EEF2K: variants seen among roughly 807,000 people sequenced by gnomAD.
EEF2K encodes alternative protein EEF2K.
A neutral mutation model predicts 93.8 loss-of-function variants in EEF2K; 70 were observed. That is an observed-to-expected ratio of 0.75 (90% CI 0.62 to 0.91). The LOEUF is 0.91. EEF2K is among the 40% of genes least tolerant of loss of function. The pLI, the probability that EEF2K is intolerant of heterozygous loss-of-function variation, is 0.00. For synonymous variants in EEF2K, 376 were observed against 380.8 expected, an observed-to-expected ratio of 0.99 and a Z score of 0.15; for missense variants, 935 against 972.9, an observed-to-expected ratio of 0.96 and a Z score of 0.52.
At chr16:22,275,249 T>C (rs1029852912) in intron 16 of EEF2K, among the ~76,000 whole-genome samples, 1 of 152,164 alleles carries the variant, frequency 6.6e-6, no homozygotes, top group African/African-American at 2.4e-5. Context: ...AAGTTTTTAT[T>C]GACTTGTAAA....
At chr16:22,276,169 C>T (rs1014024798) in intron 16 of EEF2K, among the ~76,000 whole-genome samples, 1 of 151,140 alleles carries the variant, frequency 6.6e-6, no homozygotes, top group East Asian at 2.0e-4. Context: ...TGGTCTCAAA[C>T]TCCTGGCCTC....
chr16:22,223,338 G>A (rs934133657), intron 1 of EEF2K, among the ~76,000 whole-genome samples: 1 of 149,542 alleles, frequency 6.7e-6, no homozygotes, highest in Non-Finnish European at 1.5e-5. Context: ...GAGTGCAATG[G>A]CACAGTCTCA....
chr16:22,265,951 C>T (rs374947791), intron 13 of EEF2K, among the ~76,000 whole-genome samples: 1 of 152,118 alleles, frequency 6.6e-6, no homozygotes, highest in Admixed American at 6.6e-5. Flanking sequence ...GAGACCCCCA[C>T]CCCCAACCAA....
chr16:22,232,600 T>C (rs1053465926), intron 2 of EEF2K, among the ~76,000 whole-genome samples: 22 of 152,190 alleles, frequency 1.4e-4, no homozygotes, highest in Admixed American at 1.0e-3. Flanking sequence ...AGCAGACCTT[T>C]ATGTGTGTGA....
At chr16:22,261,426 C>T (rs977328674) in intron 11 of EEF2K, among the ~76,000 whole-genome samples, 2 of 150,934 alleles carry the variant, frequency 1.3e-5, no homozygotes, top group African/African-American at 2.4e-5. Flanking sequence ...CAGTGGCTCA[C>T]GCCTGTAATC....
rs993495184 is a variant in EEF2K at position 22,263,317 on chromosome 16, G to A, written c.1377+130G>A. Reference sequence around the variant, plus strand: ...AGAAGATAACAAGTAAATTAATAAAGAGTATTTCAGGCCGGTCATGGTGGC... The same window carrying A: ...AGAAGATAACAAGTAAATTAATAAAAAGTATTTCAGGCCGGTCATGGTGGC... On this transcript the variant is annotated intron_variant, in intron 12 of 17. Transcript: ENST00000263026. The A allele has an allele frequency of 3.0e-5, 24 of 806,610 alleles. 1 individual carries two copies. Among genetic ancestry groups the A allele is most frequent in the South Asian group, 8.3e-5 (4 of 48,070 alleles). The allele number at this position is 806,610 out of a possible 1,614,324, so 50.0% of individuals were successfully genotyped here.
chr16:22,266,326 T>C, intron 13 of EEF2K, 64 bp from the exon 14 acceptor site: 1 of 1,557,650 alleles, frequency 6.4e-7, no homozygotes, highest in South Asian at 1.2e-5. Context: ...TAGGGGCTGC[T>C]GACAGCTGTG....
chr16:22,225,261 C>G (rs2047051365), intron 1 of EEF2K, among the ~76,000 whole-genome samples: 1 of 152,090 alleles, frequency 6.6e-6, no homozygotes, highest in South Asian at 2.1e-4. Flanking sequence ...GGGCAGCACG[C>G]TAGATGAACG....
chr16:22,234,899 T>TTTTTTTTTTTTTTTA (rs1185430519), intron 2 of EEF2K, among the ~76,000 whole-genome samples: 1 of 145,412 alleles, frequency 6.9e-6, no homozygotes, highest in Non-Finnish European at 1.5e-5. Context: ...TTTTTTTTTT[T>TTTTTTTTTTTTTTTA]AGGGGCGGTT....
chr16:22,268,114 T>C (rs975844197), intron 15 of EEF2K, among the ~76,000 whole-genome samples: 1 of 152,190 alleles, frequency 6.6e-6, no homozygotes, highest in Non-Finnish European at 1.5e-5. Flanking sequence ...CCAAAGTCCT[T>C]TATTTATTTA....
chr16:22,222,702 TAAAAAAAAAAAA>T (rs1161314400), intron 1 of EEF2K, among the ~76,000 whole-genome samples: 1 of 96,554 alleles, frequency 1.0e-5, no homozygotes, highest in Non-Finnish European at 2.2e-5. Context: ...ACCCCGTCCC[TAAAAAAAAAAAA>T]AAAAAAAAAA....
intron 2 of EEF2K, among the ~76,000 whole-genome samples, chr16:22,233,670 C>T (rs1342475121): frequency 2.0e-5 from 3 of 152,144 alleles, no homozygotes; most frequent in Non-Finnish European, 2.9e-5. Context: ...GGCAACAGAG[C>T]GAGACCCTCT....
At chr16:22,213,307 G>C (rs2046932376) in intron 1 of EEF2K, among the ~76,000 whole-genome samples, 1 of 152,128 alleles carries the variant, frequency 6.6e-6, no homozygotes, top group South Asian at 2.1e-4. Context: ...AATTCCACCA[G>C]ATTCATTCTA....
intron 13 of EEF2K, among the ~76,000 whole-genome samples, chr16:22,266,086 G>A (rs1598199831): frequency 6.6e-6 from 1 of 152,126 alleles, no homozygotes; most frequent in Non-Finnish European, 1.5e-5. Context: ...GCCGGGCATG[G>A]TGGTATGCAC....
rs185054958 is a variant in EEF2K, at chr16:22,260,013, A to G, written c.1232-449A>G. On this transcript the variant is annotated intron_variant, in intron 10 of 17. Transcript: ENST00000263026. ...GGTGATCCACCTGCCTCGGCCTCCC[A>G]TAGTTCTGGGATTACAGGCATAAGA... Among the ~76,000 whole-genome samples the G allele has an allele frequency of 1.3e-3, 197 of 152,192 alleles. 1 individual carries two copies. The highest frequency in any genetic ancestry group is 3.8e-3 in the African/African-American group (159 of 41,530).
In EEF2K at chr16:22,235,362, C is replaced by T. The variant is rs868697015; in HGVS notation, c.247-9268C>T. On this transcript the variant is annotated intron_variant, in intron 2 of 17. Coordinates refer to ENST00000263026, the MANE Select transcript of EEF2K (RefSeq NM_013302.5). Reference sequence around the variant, plus strand: ...TATGTCTTCAGTAACCAGTTTTTTTCGGCAAGCAAGAAATCATCATGTCTT... The same window carrying T: ...TATGTCTTCAGTAACCAGTTTTTTTTGGCAAGCAAGAAATCATCATGTCTT... 3.4e-5 allele frequency among the ~76,000 whole-genome samples: 5 copies of T among 145,126 alleles called. No homozygotes were observed. The Middle Eastern group carries it at 0.014, about 418-fold the overall frequency.
chr16:22,251,916 C>A (rs2047356076), intron 6 of EEF2K, among the ~76,000 whole-genome samples: 1 of 152,116 alleles, frequency 6.6e-6, no homozygotes. Flanking sequence ...AGCTTGGCCT[C>A]CTGAGTAGCT....
intron 13 of EEF2K, among the ~76,000 whole-genome samples, chr16:22,265,623 C>T (rs1450984198): frequency 1.3e-5 from 2 of 152,174 alleles, no homozygotes; most frequent in East Asian, 1.9e-4. Flanking sequence ...AACAGGGTTG[C>T]TCAAGCAAGG....
chr16:22,209,766 G>A (rs1244673757), intron 1 of EEF2K, among the ~76,000 whole-genome samples: 1 of 152,178 alleles, frequency 6.6e-6, no homozygotes, highest in Admixed American at 6.6e-5. Flanking sequence ...TTGCAGCCAA[G>A]GCTGATGAGC....
Sources: allele counts gnomAD v4.1 joint callset (sites outside exome capture counted in the v4.1 genomes callset), GRCh38; gene constraint gnomAD v4.1.1; transcripts MANE v1.5; gene names NCBI Gene and HGNC (gene_info 2026-07-23, HGNC 2026-07-21).